The following SFXN5 variants were observed in gnomAD, a reference collection of about 807,000 sequenced individuals.
SFXN5 encodes sideroflexin 5, also known as sideroflexin-5.
Under a neutral mutation model 50.2 loss-of-function variants are expected in SFXN5, and 43 were observed. That is an observed-to-expected ratio of 0.86 (90% confidence interval 0.67 to 1.11). SFXN5 has a LOEUF of 1.11. Ranked by LOEUF, SFXN5 falls within the 50% of genes least tolerant of loss-of-function variation. The pLI, the probability that SFXN5 is intolerant of heterozygous loss-of-function variation, is 0.00. For synonymous variants in SFXN5, 203 were observed against 185.8 expected, an observed-to-expected ratio of 1.09 and a Z score of -0.75; for missense variants, 463 against 454.1, an observed-to-expected ratio of 1.02 and a Z score of -0.18.
intron 6 of SFXN5, among the ~76,000 whole-genome samples, chr2:73,011,346 C>T (rs2105770832): frequency 6.6e-6 from 1 of 152,318 alleles, no homozygotes; most frequent in South Asian, 2.1e-4. Flanking sequence ...TGAGCCACCA[C>T]TCCTGGCCTC....
chr2:73,012,058 G>A (rs1435349988), intron 6 of SFXN5, among the ~76,000 whole-genome samples: 2 of 152,110 alleles, frequency 1.3e-5, no homozygotes, highest in Non-Finnish European at 2.9e-5. Context: ...TGTTATGGAG[G>A]CAAACTGCTA....
intron 6 of SFXN5, among the ~76,000 whole-genome samples, chr2:73,016,762 AC>A (rs1430678253): frequency 6.6e-6 from 1 of 152,222 alleles, no homozygotes; most frequent in African/African-American, 2.4e-5. Flanking sequence ...AGCGAAAAAA[AC>A]ATTGTGCAAA....
intron 1 of SFXN5, chr2:73,058,936 G>C: frequency 2.1e-6 from 1 of 476,792 alleles, no homozygotes; most frequent in Non-Finnish European, 2.9e-6. Context: ...CTGAAGGTGA[G>C]GCCTGGTCCC....
At chr2:72,982,307 G>T (rs771229315) in intron 10 of SFXN5, among the ~76,000 whole-genome samples, 1 of 152,184 alleles carries the variant, frequency 6.6e-6, no homozygotes, top group African/African-American at 2.4e-5. Context: ...ACTAAGAGTG[G>T]ACCACAGTGA....
intron 6 of SFXN5, among the ~76,000 whole-genome samples, chr2:73,008,782 C>G (rs1675099705): frequency 6.6e-6 from 1 of 152,200 alleles, no homozygotes; most frequent in African/African-American, 2.4e-5. Flanking sequence ...GATCTCTTTG[C>G]CACACACCGA....
At chr2:72,977,575 A>G (rs913447661) in intron 10 of SFXN5, among the ~76,000 whole-genome samples, 11 of 152,344 alleles carry the variant, frequency 7.2e-5, no homozygotes, top group Non-Finnish European at 1.3e-4. Context: ...ACAAACAGCT[A>G]TTCCCAGCCT....
At chr2:72,986,548 G>T (rs1342174964) in intron 10 of SFXN5, among the ~76,000 whole-genome samples, 2 of 152,224 alleles carry the variant, frequency 1.3e-5, no homozygotes, top group African/African-American at 4.8e-5. Context: ...CTCATGCCCT[G>T]TGCTGGCCTG....
At chr2:73,003,734 C>A (rs771972732) in intron 6 of SFXN5, among the ~76,000 whole-genome samples, 1 of 152,178 alleles carries the variant, frequency 6.6e-6, no homozygotes, top group Non-Finnish European at 1.5e-5. Flanking sequence ...TCTTTAGTGG[C>A]AAGCATTTTT....
chr2:72,998,862 G>T, intron 9 of SFXN5, 87 bp downstream of exon 9: 1 of 1,428,706 alleles, frequency 7.0e-7, no homozygotes, highest in Non-Finnish European at 9.7e-7. Context: ...GCCTGGCCTG[G>T]CCCTCAGACA....
intron 2 of SFXN5, among the ~76,000 whole-genome samples, chr2:73,046,242 C>G (rs1680304336): frequency 6.6e-6 from 1 of 151,958 alleles, no homozygotes; most frequent in South Asian, 2.1e-4. Context: ...AACCCCATCT[C>G]TACTGAAAAT....
chr2:73,015,835 G>C (rs1313199542), intron 6 of SFXN5, among the ~76,000 whole-genome samples: 1 of 151,966 alleles, frequency 6.6e-6, no homozygotes, highest in African/African-American at 2.4e-5. Context: ...ACTTTGGGAG[G>C]CTGAGGCAGG....
rs1671801273 is a variant in SFXN5, at chr2:72,945,201, C to T, written c.946-102G>A. 5 of 1,092,292 alleles carry T rather than the reference C, an allele frequency of 4.6e-6. No homozygotes were observed. In the Admixed American group the frequency reaches 8.0e-5, roughly 18 times the overall value. 67.7% of individuals were successfully genotyped at this position (1,092,292 alleles called of 1,614,324 possible). Reference sequence around the variant, plus strand: ...CCACCCTGGGCCCCAGAGCTCTGCCCCCTGCACCCCCGTGTCCACCCCAGC... The same window carrying T: ...CCACCCTGGGCCCCAGAGCTCTGCCTCCTGCACCCCCGTGTCCACCCCAGC... On this transcript the variant is annotated intron_variant, in intron 13 of 13. Transcript: ENST00000272433. This position sits in a 1 kb window ranked among gnomAD's most constrained non-coding sequence, Gnocchi z 5.8.
chr2:73,043,753 AC>A (rs1679947700), intron 2 of SFXN5, among the ~76,000 whole-genome samples: 1 of 152,238 alleles, frequency 6.6e-6, no homozygotes. Flanking sequence ...AAATATCAGA[AC>A]AAAAAATGGA....
chr2:72,975,385 T>C (rs972330830), intron 10 of SFXN5, among the ~76,000 whole-genome samples: 1 of 152,164 alleles, frequency 6.6e-6, no homozygotes, highest in African/African-American at 2.4e-5. Flanking sequence ...ATCAATGCAG[T>C]ACACTAGTCC....
chr2:72,963,232 C>T (rs1673958208), intron 12 of SFXN5, among the ~76,000 whole-genome samples: 1 of 152,160 alleles, frequency 6.6e-6, no homozygotes, highest in Non-Finnish European at 1.5e-5. Context: ...CTGCCCACAG[C>T]CCTGAGAGCA....
intron 13 of SFXN5, among the ~76,000 whole-genome samples, chr2:72,948,294 A>T (rs1223758335): frequency 1.3e-5 from 2 of 152,268 alleles, no homozygotes; most frequent in Non-Finnish European, 2.9e-5. Context: ...ATGAAGGAGA[A>T]ATATATAAAC....
At chr2:72,977,310 G>T (rs1670740217) in intron 10 of SFXN5, among the ~76,000 whole-genome samples, 1 of 152,184 alleles carries the variant, frequency 6.6e-6, no homozygotes, top group African/African-American at 2.4e-5. Flanking sequence ...AACAGTTTGT[G>T]TTGAGGGTTT....
intron 9 of SFXN5, among the ~76,000 whole-genome samples, chr2:72,993,554 G>A (rs1379914677): frequency 2.0e-5 from 3 of 152,210 alleles, no homozygotes; most frequent in African/African-American, 7.2e-5. Context: ...ATGGGAGGGG[G>A]CAACAACTTG....
intron 13 of SFXN5, among the ~76,000 whole-genome samples, chr2:72,958,938 G>C (rs1673403890): frequency 6.6e-6 from 1 of 152,102 alleles, no homozygotes; most frequent in Admixed American, 6.5e-5. Flanking sequence ...AAACTCTGGG[G>C]CTCTGGAAGG....
Sources: allele counts gnomAD v4.1 joint callset (sites outside exome capture counted in the v4.1 genomes callset), GRCh38; gene constraint gnomAD v4.1.1; non-coding constraint Gnocchi (gnomAD v3.1); transcripts MANE v1.5; gene names NCBI Gene and HGNC (gene_info 2026-07-23, HGNC 2026-07-21).